TMOD2: variants seen among roughly 807,000 people sequenced by gnomAD.
The protein encoded by TMOD2 is tropomodulin 2, also known as tropomodulin-2.
A neutral mutation model predicts 39.9 loss-of-function variants in TMOD2; 22 were observed. That is an observed-to-expected ratio of 0.55 (90% confidence interval 0.39 to 0.79). The LOEUF is 0.79. Ranked by LOEUF, TMOD2 falls within the 30% of genes least tolerant of loss-of-function variation. The pLI, the probability that TMOD2 is intolerant of heterozygous loss-of-function variation, is 0.00. For synonymous variants in TMOD2, 123 were observed against 146.1 expected, an observed-to-expected ratio of 0.84 and a Z score of 1.14; for missense variants, 386 against 413.3, an observed-to-expected ratio of 0.93 and a Z score of 0.57.
At chr15:51,759,213 C>T (rs1433078128) in intron 1 of TMOD2, among the ~76,000 whole-genome samples, 1 of 151,986 alleles carries the variant, frequency 6.6e-6, no homozygotes, top group African/African-American at 2.4e-5. Flanking sequence ...AGGATGGCTC[C>T]CTGGTTTTTC....
intron 7 of TMOD2, among the ~76,000 whole-genome samples, chr15:51,789,758 T>C (rs2055996963): frequency 2.0e-5 from 3 of 152,200 alleles, no homozygotes; most frequent in Admixed American, 2.0e-4. Flanking sequence ...CCTAAATGAC[T>C]ACTGGGTAAA....
chr15:51,757,200 G>A (rs962036951), intron 1 of TMOD2, among the ~76,000 whole-genome samples: 45 of 152,184 alleles, frequency 3.0e-4, no homozygotes, highest in African/African-American at 9.1e-4. Flanking sequence ...TCAGGAGCTC[G>A]AGACCAGCCT....
rs1196812307 is a variant in TMOD2 at position 51,816,306 on chromosome 15, T to C, written c.*7852T>C. 1.3e-5 allele frequency: 2 copies of C among 152,232 alleles called. No homozygotes were observed. The highest frequency in any genetic ancestry group is 2.9e-5 in the Non-Finnish European group (2 of 68,040). 9.4% of individuals were successfully genotyped at this position (152,232 alleles called of 1,614,324 possible). A position where few individuals can be genotyped will look rare whatever the true frequency, so the allele number is the denominator to read the frequency against. On this transcript the variant is annotated 3_prime_UTR_variant, in exon 10 of 10. Coordinates refer to ENST00000249700, the MANE Select transcript of TMOD2 (RefSeq NM_014548.4). ...TATCTATTTCTGTCAGGAATGATAT[T>C]TCCAAATGAAAATGTAAAGAACATT...
intron 5 of TMOD2, among the ~76,000 whole-genome samples, chr15:51,780,596 C>G (rs1392076514): frequency 6.6e-6 from 1 of 152,040 alleles, no homozygotes; most frequent in African/African-American, 2.4e-5. Context: ...AACTAAAGCT[C>G]CAGAATAGAA....
chr15:51,805,817 A>G (rs1040474468), intron 8 of TMOD2, among the ~76,000 whole-genome samples: 1 of 152,200 alleles, frequency 6.6e-6, no homozygotes, highest in Non-Finnish European at 1.5e-5. Flanking sequence ...AAAAAGAAGA[A>G]AAAGTATTGG....
rs1301476990 is a variant in TMOD2, at chr15:51,812,260, AG to A, written c.*3809del. The A allele has an allele frequency of 6.6e-6, 1 of 152,202 alleles. No individual in the cohort carries two copies. The highest frequency in any genetic ancestry group is 2.4e-5 in the African/African-American group (1 of 41,438). The allele number at this position is 152,202 out of a possible 1,614,324, so 9.4% of individuals were successfully genotyped here. A position where few individuals can be genotyped will look rare whatever the true frequency, so the allele number is the denominator to read the frequency against. ...TGTACTCCTCAAACCAATTTCCCTA[AG>A]GGAAGACTGGCACACCAGCCCAAAG... On this transcript the variant is annotated 3_prime_UTR_variant, in exon 10 of 10. Transcript: ENST00000249700.
chr15:51,792,169 A>G (rs2056016906), intron 7 of TMOD2, among the ~76,000 whole-genome samples: 1 of 152,232 alleles, frequency 6.6e-6, no homozygotes, highest in African/African-American at 2.4e-5. Context: ...TTTACAAGAA[A>G]AAAGCAAACA....
At chr15:51,789,772 C>T (rs541166537) in intron 7 of TMOD2, among the ~76,000 whole-genome samples, 2 of 152,198 alleles carry the variant, frequency 1.3e-5, no homozygotes, top group South Asian at 2.1e-4. Context: ...GGGTAAATAA[C>T]GAAATGAAGG....
At chr15:51,760,508 T>C (rs2055773193) in intron 1 of TMOD2, among the ~76,000 whole-genome samples, 1 of 152,158 alleles carries the variant, frequency 6.6e-6, no homozygotes, top group Non-Finnish European at 1.5e-5. Context: ...TTTCTATTTT[T>C]AAATCCTTAA....
intron 4 of TMOD2, among the ~76,000 whole-genome samples, 196 bp downstream of exon 4, chr15:51,774,030 C>A (rs2055871344): frequency 6.6e-6 from 1 of 152,162 alleles, no homozygotes; most frequent in South Asian, 2.1e-4. Flanking sequence ...ATTTCAGCAG[C>A]AAATAATACC....
chr15:51,764,356 G>A (rs1033281411), intron 1 of TMOD2, among the ~76,000 whole-genome samples: 3 of 152,102 alleles, frequency 2.0e-5, no homozygotes, highest in Admixed American at 6.5e-5. Context: ...GGAAAAGAGC[G>A]TTGCATTGCA....
intron 1 of TMOD2, among the ~76,000 whole-genome samples, chr15:51,758,630 T>C: frequency 6.6e-6 from 1 of 152,192 alleles, no homozygotes; most frequent in Non-Finnish European, 1.5e-5. Context: ...ACAGTCCCCC[T>C]CCCTCACAGA....
In TMOD2 at chr15:51,808,629, T is replaced by C; in HGVS notation, c.*175T>C. On this transcript the variant is annotated 3_prime_UTR_variant, in exon 10 of 10. Coordinates refer to ENST00000249700, the MANE Select transcript of TMOD2 (RefSeq NM_014548.4). ...TACTTATTTATCTTGGATTTTGTAATATATGCAATTGTTTTATTTGCTCAT... is the reference window on the plus strand; with the variant it reads ...TACTTATTTATCTTGGATTTTGTAACATATGCAATTGTTTTATTTGCTCAT... 2.2e-6 allele frequency: 1 copy of C among 458,152 alleles called. No individual in the cohort carries two copies. The highest frequency in any genetic ancestry group is 3.8e-6 in the Non-Finnish European group (1 of 262,140). The allele number at this position is 458,152 out of a possible 1,614,324, so 28.4% of individuals were successfully genotyped here.
intron 5 of TMOD2, 129 bp downstream of exon 5, chr15:51,777,147 C>A: frequency 1.4e-6 from 1 of 731,638 alleles, no homozygotes; most frequent in Non-Finnish European, 2.3e-6. Context: ...GGGCTTTGAG[C>A]AATCAAACCA....
intron 1 of TMOD2, among the ~76,000 whole-genome samples, chr15:51,761,373 G>A (rs941439831): frequency 6.6e-6 from 1 of 152,094 alleles, no homozygotes; most frequent in African/African-American, 2.4e-5. Context: ...TAATCTAGAC[G>A]GCAACTCTGT....
chr15:51,807,703 G>A (rs2060549251), intron 9 of TMOD2, among the ~76,000 whole-genome samples: 1 of 152,188 alleles, frequency 6.6e-6, no homozygotes, highest in Non-Finnish European at 1.5e-5. Flanking sequence ...GTAGGAGCTA[G>A]GCTATTTAAA....
chr15:51,772,844 AC>A (rs890330628), intron 3 of TMOD2, among the ~76,000 whole-genome samples: 1 of 151,982 alleles, frequency 6.6e-6, no homozygotes, highest in African/African-American at 2.4e-5. Flanking sequence ...TTACTCAGGA[AC>A]CCCTAGTGCT....
intron 1 of TMOD2, chr15:51,756,424 G>A (rs1429498356): frequency 4.6e-5 from 7 of 152,236 alleles, no homozygotes; most frequent in Non-Finnish European, 7.3e-5. Flanking sequence ...TAGACACTGC[G>A]CCTAATATGT....
rs1039724929 is a variant in TMOD2 at position 51,816,280 on chromosome 15, G to A, written c.*7826G>A. On this transcript the variant is annotated 3_prime_UTR_variant, in exon 10 of 10. Coordinates refer to ENST00000249700, the MANE Select transcript of TMOD2 (RefSeq NM_014548.4). Reference sequence around the variant, plus strand: ...ATCTTTCTGCTTTCGAAGGTATAATGTATCTATTTCTGTCAGGAATGATAT... The same window carrying A: ...ATCTTTCTGCTTTCGAAGGTATAATATATCTATTTCTGTCAGGAATGATAT... 1 of 152,120 alleles carries A rather than the reference G, an allele frequency of 6.6e-6. No homozygotes were observed. Among genetic ancestry groups the A allele is most frequent in the African/African-American group, 2.4e-5 (1 of 41,404 alleles). The allele number at this position is 152,120 out of a possible 1,614,324, so 9.4% of individuals were successfully genotyped here.
Sources: gnomAD v4.1 joint callset for allele counts (sites outside exome capture counted in the v4.1 genomes callset) on GRCh38, gnomAD v4.1.1 for gene constraint, MANE v1.5 for transcripts, NCBI Gene and HGNC (gene_info 2026-07-23, HGNC 2026-07-21) for gene names.